Variants in RGS7 observed in about 807,000 individuals in gnomAD.
The protein encoded by RGS7 is regulator of G protein signaling 7.
Under a neutral mutation model 81.1 loss-of-function variants are expected in RGS7, and 27 were observed. The observed-to-expected ratio is 0.33, with a 90% confidence interval of 0.25 to 0.46. The LOEUF (loss-of-function observed/expected upper bound fraction) is 0.46. Among genes scored for constraint, RGS7 ranks in the 20% least tolerant of loss-of-function variants. The probability of loss-of-function intolerance (pLI) is 1.00; values close to 1 mark genes in which losing one functional copy is unlikely to be tolerated. For missense variants in RGS7, 396 were observed against 607.4 expected (o/e 0.65, Z 3.66); for synonymous variants, 208 against 207.7 (o/e 1.00, Z -0.01).
chr1:241,167,696 T>A (rs1465736157), intron 2 of RGS7, among the ~76,000 whole-genome samples: 2 of 152,050 alleles, frequency 1.3e-5, no homozygotes, highest in Non-Finnish European at 2.9e-5. Context: ...TTTTTTGCAT[T>A]TTTAGTAGAG....
chr1:240,782,449 G>T (rs1481287720), intron 18 of RGS7, among the ~76,000 whole-genome samples: 2 of 152,120 alleles, frequency 1.3e-5, no homozygotes, highest in South Asian at 2.1e-4. Context: ...TCGAGACAGG[G>T]TCTTGCTCTA....
intron 2 of RGS7, among the ~76,000 whole-genome samples, chr1:241,297,814 G>A (rs1166462181): frequency 6.6e-6 from 1 of 152,064 alleles, no homozygotes; most frequent in Non-Finnish European, 1.5e-5. Context: ...GTATTCAATC[G>A]TTTTCTAAAG....
chr1:241,104,228 T>C (rs2064959322), intron 2 of RGS7, among the ~76,000 whole-genome samples: 1 of 152,208 alleles, frequency 6.6e-6, no homozygotes, highest in Admixed American at 6.5e-5. Context: ...TTCATCGTTG[T>C]ACTAGGAAGA....
At chr1:241,000,505 C>G (rs1413407874) in intron 3 of RGS7, among the ~76,000 whole-genome samples, 1 of 152,122 alleles carries the variant, frequency 6.6e-6, no homozygotes, top group African/African-American at 2.4e-5. Flanking sequence ...AGTCTCCTTA[C>G]TCATGTCTTC....
chr1:241,067,657 C>T (rs922872227), intron 3 of RGS7, among the ~76,000 whole-genome samples: 11 of 151,972 alleles, frequency 7.2e-5, no homozygotes, highest in African/African-American at 2.7e-4. Context: ...CTAGCTGGGA[C>T]TACAGGTGTG....
At chr1:241,242,661 A>G (rs2148149856) in intron 2 of RGS7, among the ~76,000 whole-genome samples, 1 of 152,280 alleles carries the variant, frequency 6.6e-6, no homozygotes, top group Non-Finnish European at 1.5e-5. Flanking sequence ...TTTTCTGATT[A>G]TGGCCATTCT....
chr1:241,252,696 CACCCACATGCA>C (rs1211021538), intron 2 of RGS7, among the ~76,000 whole-genome samples: 1 of 152,180 alleles, frequency 6.6e-6, no homozygotes, highest in African/African-American at 2.4e-5. Context: ...GGACTCCCTC[CACCCACATGCA>C]ACCACACATA....
At chr1:240,899,606 G>T (rs1398346418) in intron 6 of RGS7, among the ~76,000 whole-genome samples, 1 of 152,166 alleles carries the variant, frequency 6.6e-6, no homozygotes, top group Non-Finnish European at 1.5e-5. Context: ...AATGTTGAAT[G>T]TTGGCCCCTA....
intron 2 of RGS7, among the ~76,000 whole-genome samples, chr1:241,236,811 A>G (rs1274817815): frequency 6.8e-6 from 1 of 147,334 alleles, no homozygotes; most frequent in Non-Finnish European, 1.5e-5. Context: ...TGGATCAAGG[A>G]CTCAACATAA....
At chr1:241,229,133 G>C (rs2075498261) in intron 2 of RGS7, among the ~76,000 whole-genome samples, 1 of 151,426 alleles carries the variant, frequency 6.6e-6, no homozygotes, top group Non-Finnish European at 1.5e-5. Context: ...AAAATGCAAT[G>C]CCTGGTACTT....
rs138567986 is a variant in RGS7 at position 241,162,517 on chromosome 1, T to A, written c.79-63755A>T. ...TATAAAACCCCAGTCAAGGACCGGATGGGGCACTGGATCTCTCAAGTCACC... is the reference window on the plus strand; with the variant it reads ...TATAAAACCCCAGTCAAGGACCGGAAGGGGCACTGGATCTCTCAAGTCACC... On this transcript the variant is annotated intron_variant, in intron 2 of 18. Transcript: ENST00000440928. Among the ~76,000 whole-genome samples the A allele has an allele frequency of 4.8e-4, 73 of 152,340 alleles. No homozygotes were observed. The East Asian group carries it at 0.014, about 29-fold the overall frequency.
intron 2 of RGS7, among the ~76,000 whole-genome samples, chr1:241,270,060 C>T (rs2077791249): frequency 6.6e-6 from 1 of 152,200 alleles, no homozygotes; most frequent in Non-Finnish European, 1.5e-5. Context: ...TTGAGTATCA[C>T]AAAATCTTAG....
At chr1:241,095,935 A>C (rs2064218309) in intron 3 of RGS7, among the ~76,000 whole-genome samples, 1 of 152,196 alleles carries the variant, frequency 6.6e-6, no homozygotes, top group Non-Finnish European at 1.5e-5. Flanking sequence ...TTCTGATACT[A>C]ATGGTCCATG....
intron 6 of RGS7, among the ~76,000 whole-genome samples, chr1:240,880,606 C>T (rs1666206759): frequency 6.6e-6 from 1 of 152,160 alleles, no homozygotes; most frequent in Non-Finnish European, 1.5e-5. Context: ...AAAGCTTTCT[C>T]CTCTGGTGCC....
rs983919233 is a variant in RGS7, at chr1:241,142,263, AAGGATGGT to A, written c.79-43509_79-43502del. Among the ~76,000 whole-genome samples the A allele has an allele frequency of 1.6e-4, 24 of 152,150 alleles. 1 individual carries two copies. Among genetic ancestry groups the A allele is most frequent in the Non-Finnish European group, 5.9e-5 (4 of 68,024 alleles). ...AGTGGATCTACCATTCTGAGGTCTG[AAGGATGGT>A]GGCCTTCTCAAAGCTCCACTAGGCA... is the stretch of plus-strand genomic sequence containing the variant. On this transcript the variant is annotated intron_variant, in intron 2 of 18. Transcript: ENST00000440928.
intron 3 of RGS7, among the ~76,000 whole-genome samples, chr1:241,035,565 G>A (rs1246651969): frequency 6.6e-6 from 1 of 152,018 alleles, no homozygotes; most frequent in Non-Finnish European, 1.5e-5. Flanking sequence ...TCAAAATTCT[G>A]TACTAAAATT....
chr1:241,352,299 G>A lies in RGS7; in HGVS notation c.78+3400C>T, dbSNP rs140706567. Among the ~76,000 whole-genome samples, 975 of 152,288 alleles carry A rather than the reference G, an allele frequency of 6.4e-3. 15 individuals carry two copies. Among genetic ancestry groups the A allele is most frequent in the African/African-American group, 0.022 (930 of 41,550 alleles). On this transcript the variant is annotated intron_variant, in intron 2 of 18. Coordinates refer to ENST00000440928, the MANE Select transcript of RGS7 (RefSeq NM_001364886.1). ...TTCCTAAGGCAGTTGATTACTACTAGTTCTAATCTAGTTAGGGGCCTGACT... is the reference window on the plus strand; with the variant it reads ...TTCCTAAGGCAGTTGATTACTACTAATTCTAATCTAGTTAGGGGCCTGACT...
At chr1:240,877,496 C>T (rs1322233691) in intron 6 of RGS7, among the ~76,000 whole-genome samples, 1 of 151,928 alleles carries the variant, frequency 6.6e-6, no homozygotes, top group Non-Finnish European at 1.5e-5. Context: ...GTGCTCAAAA[C>T]TGTACCACAC....
Position 240,777,238 on chromosome 1 carries a change from C to T in RGS7, c.*7-1025G>A, listed in dbSNP as rs560133557. Among the ~76,000 whole-genome samples, 6 of 151,950 alleles carry T rather than the reference C, an allele frequency of 3.9e-5. No homozygotes were observed. The South Asian group carries it at 8.3e-4, about 21-fold the overall frequency. On this transcript the variant is annotated intron_variant, in intron 18 of 18. Transcript: ENST00000440928. ...CGGAGGTTGCAGTGGGCTGAGATCG[C>T]GCCACTACACTCCAGCCTGGGTGAC...
Sources: gnomAD v4.1 joint callset for allele counts (sites outside exome capture counted in the v4.1 genomes callset) on GRCh38, gnomAD v4.1.1 for gene constraint, MANE v1.5 for transcripts, NCBI Gene and HGNC (gene_info 2026-07-23, HGNC 2026-07-21) for gene names.